Variants in RSPH14 observed in about 807,000 individuals in gnomAD.
RSPH14 encodes the protein rhabdoid tumor deletion region gene 1.
A neutral mutation model predicts 26.7 loss-of-function variants in RSPH14; 20 were observed. That is an observed-to-expected ratio of 0.75 (90% confidence interval 0.53 to 1.09). The LOEUF is 1.09. RSPH14 is among the 50% of genes least tolerant of loss of function. RSPH14 has a pLI of 0.00. For missense variants in RSPH14, 449 were observed against 457.2 expected, an observed-to-expected ratio of 0.98 and a Z score of 0.16; for synonymous variants, 177 against 189.3, an observed-to-expected ratio of 0.93 and a Z score of 0.53.
chr22:23,156,968 T>C, the RSPH14 span, among the ~76,000 whole-genome samples: 5 of 152,192 alleles, frequency 3.3e-5, no homozygotes, highest in Admixed American at 6.5e-5. Flanking sequence ...TGGGTCTCCC[T>C]GTAGCCTTCA....
chr22:23,136,661 A>G (rs1357507361), intron 3 of RSPH14, among the ~76,000 whole-genome samples: 1 of 138,860 alleles, frequency 7.2e-6, no homozygotes, highest in African/African-American at 2.6e-5. Flanking sequence ...GGTTTTTACC[A>G]CTACTTTTAA....
intron 4 of RSPH14, among the ~76,000 whole-genome samples, chr22:23,104,997 G>GCC (rs1215208399): frequency 3.7e-4 from 57 of 152,342 alleles, no homozygotes; most frequent in Non-Finnish European, 5.6e-4. Flanking sequence ...GCTTAGGCCA[G>GCC]CCCAGGAGCC....
At chr22:23,078,715 G>A (rs974359145) in intron 4 of RSPH14, among the ~76,000 whole-genome samples, 3 of 152,254 alleles carry the variant, frequency 2.0e-5, no homozygotes, top group African/African-American at 7.2e-5. Flanking sequence ...GGCACAGGAA[G>A]AAGGCCAAGG....
At chr22:23,060,332 A>T (rs1373574020) in intron 6 of RSPH14, among the ~76,000 whole-genome samples, 1 of 151,478 alleles carries the variant, frequency 6.6e-6, no homozygotes, top group African/African-American at 2.4e-5. Context: ...TTAGCCGGGC[A>T]TGGTGGCGGG....
At chr22:23,126,908 C>A (rs2070197864) in intron 4 of RSPH14, among the ~76,000 whole-genome samples, 1 of 152,232 alleles carries the variant, frequency 6.6e-6, no homozygotes, top group Non-Finnish European at 1.5e-5. Context: ...AATGGGTCAA[C>A]AACAGTGGTC....
chr22:23,086,345 C>T (rs2068820158), intron 4 of RSPH14, among the ~76,000 whole-genome samples: 1 of 152,220 alleles, frequency 6.6e-6, no homozygotes, highest in South Asian at 2.1e-4. Flanking sequence ...GCCGTAAAGC[C>T]GAGGCCACCT....
chr22:23,109,286 C>T (rs1024448851), intron 4 of RSPH14, among the ~76,000 whole-genome samples: 1 of 152,310 alleles, frequency 6.6e-6, no homozygotes, highest in South Asian at 2.1e-4. Flanking sequence ...ACCAAAGCCA[C>T]GGAGCCAGCC....
chr22:23,171,853 AAC>A, the RSPH14 span, among the ~76,000 whole-genome samples: 14,895 of 73,548 alleles, frequency 0.2, 1,814 homozygotes, highest in African/African-American at 0.26. Context: ...AAAAAAAAAA[AAC>A]AAAAAAAAAA....
At position 23,064,096 on chromosome 22, in the gene RSPH14, T is replaced by C. The variant is rs1349473667; in HGVS notation, c.459A>G (p.Ser153=). 5 of 1,613,930 alleles carry C rather than the reference T, an allele frequency of 3.1e-6. No individual in the cohort carries two copies. The African/African-American group carries it at 4.0e-5, about 13-fold the overall frequency. ...QEIISKGLIS[S]LVWKLQVEVE... ...CCTCCACCTGCAGCTTCCATACCAG[T>C]GAGGAAATCAGACCTTTGCTGATGA... Residue 153 remains serine (S), a synonymous_variant, in exon 5 of 7, where the codon TCA becomes TCG. Coordinates refer to ENST00000216036, the MANE Select transcript of RSPH14 (RefSeq NM_014433.3).
At chr22:23,164,821 C>T in the RSPH14 span, among the ~76,000 whole-genome samples, 1 of 152,284 alleles carries the variant, frequency 6.6e-6, no homozygotes, top group Middle Eastern at 3.4e-3. Flanking sequence ...CAGGTCCTCT[C>T]CTGTCACTTC....
At chr22:23,116,954 G>A (rs938540880) in intron 4 of RSPH14, among the ~76,000 whole-genome samples, 7 of 152,246 alleles carry the variant, frequency 4.6e-5, no homozygotes, top group African/African-American at 1.2e-4. Flanking sequence ...CTCTCCCACC[G>A]CAGGCCCATG....
chr22:23,173,124 C>G, the RSPH14 span, among the ~76,000 whole-genome samples: 6 of 151,828 alleles, frequency 4.0e-5, no homozygotes, highest in Non-Finnish European at 7.4e-5. Flanking sequence ...ACCACAGTTT[C>G]TTTCTTTCTT....
intron 4 of RSPH14, among the ~76,000 whole-genome samples, chr22:23,067,142 C>T (rs950854347): frequency 2.0e-5 from 3 of 152,110 alleles, no homozygotes; most frequent in South Asian, 2.1e-4. Flanking sequence ...GTTGATGAGC[C>T]AAAGAGATCC....
chr22:23,142,054 C>T (rs1378517909), upstream of RSPH14: 4 of 985,244 alleles, frequency 4.1e-6, no homozygotes, highest in Non-Finnish European at 3.6e-6. Flanking sequence ...TCCGCGGCGC[C>T]GCGGTCGACA....
chr22:23,179,203 C>T, the RSPH14 span, among the ~76,000 whole-genome samples: 1 of 152,150 alleles, frequency 6.6e-6, no homozygotes, highest in Non-Finnish European at 1.5e-5. Flanking sequence ...CATGATAATC[C>T]CTAACATCCA....
At chr22:23,069,320 C>T (rs1367970063) in intron 4 of RSPH14, among the ~76,000 whole-genome samples, 3 of 152,184 alleles carry the variant, frequency 2.0e-5, no homozygotes, top group Admixed American at 1.3e-4. Context: ...AAGGCATTTG[C>T]ACTTTGTCAG....
intron 4 of RSPH14, among the ~76,000 whole-genome samples, chr22:23,086,910 G>C (rs1569166813): frequency 3.3e-5 from 5 of 152,252 alleles, no homozygotes; most frequent in Admixed American, 2.6e-4. Context: ...GTCCAGGCCA[G>C]GCCCTGGGAA....
At chr22:23,101,926 T>G (rs146054734) in intron 4 of RSPH14, among the ~76,000 whole-genome samples, 10 of 152,326 alleles carry the variant, frequency 6.6e-5, no homozygotes, top group African/African-American at 2.2e-4. Context: ...GGCCACATGA[T>G]ATCCCCAGCC....
intron 4 of RSPH14, among the ~76,000 whole-genome samples, chr22:23,100,952 G>T (rs1360331755): frequency 6.6e-6 from 1 of 152,218 alleles, no homozygotes; most frequent in African/African-American, 2.4e-5. Flanking sequence ...CAAAAAGGGT[G>T]CTTGTTTTAG....
Sources: allele counts gnomAD v4.1 joint callset (sites outside exome capture counted in the v4.1 genomes callset), GRCh38; gene constraint gnomAD v4.1.1; transcripts MANE v1.5; gene names NCBI Gene and HGNC (gene_info 2026-07-23, HGNC 2026-07-21).